The following CNTN4 variants were observed in gnomAD, a reference collection of about 807,000 sequenced individuals.
CNTN4 encodes contactin-4.
Under a neutral mutation model 122.5 loss-of-function variants are expected in CNTN4, and 77 were observed. That is an observed-to-expected ratio of 0.63 (90% CI 0.52 to 0.76). The LOEUF is 0.76. Ranked by LOEUF, CNTN4 falls within the 30% of genes least tolerant of loss-of-function variation. CNTN4 has a pLI of 0.00. For missense variants in CNTN4, 1,256 were observed against 1,259.1 expected (o/e 1.00, Z 0.04); for synonymous variants, 512 against 447.0 (o/e 1.15, Z -1.83).
chr3:3,030,459 C>T (rs950391598), intron 15 of CNTN4, among the ~76,000 whole-genome samples: 1 of 152,158 alleles, frequency 6.6e-6, no homozygotes. Context: ...GGCTTGCTTC[C>T]GTTTTCCAAA....
chr3:2,717,513 A>G (rs2087570252), intron 4 of CNTN4, among the ~76,000 whole-genome samples: 1 of 152,190 alleles, frequency 6.6e-6, no homozygotes, highest in South Asian at 2.1e-4. Context: ...TCTTCACTCC[A>G]TGTGTTTCTT....
intron 3 of CNTN4, among the ~76,000 whole-genome samples, chr3:2,341,332 T>C (rs1313703022): frequency 1.3e-5 from 2 of 152,208 alleles, no homozygotes; most frequent in African/African-American, 4.8e-5. Context: ...TTGTAATTGC[T>C]AGCTTAATTA....
chr3:2,161,275 A>G (rs948353701), intron 2 of CNTN4, among the ~76,000 whole-genome samples: 1 of 152,112 alleles, frequency 6.6e-6, no homozygotes, highest in African/African-American at 2.4e-5. Context: ...AGGCCATGTT[A>G]AGTTTTCTGG....
At chr3:2,405,706 G>T (rs576873179) in intron 3 of CNTN4, among the ~76,000 whole-genome samples, 70 of 152,172 alleles carry the variant, frequency 4.6e-4, no homozygotes, top group African/African-American at 8.4e-4. Flanking sequence ...AGGAATAAAA[G>T]AAATTGAACA....
chr3:2,652,866 GA>G (rs1398484184), intron 4 of CNTN4, among the ~76,000 whole-genome samples: 1 of 151,994 alleles, frequency 6.6e-6, no homozygotes. Context: ...TTTTCTTTTG[GA>G]ATTTTCTTTA....
intron 3 of CNTN4, among the ~76,000 whole-genome samples, chr3:2,442,253 C>T (rs1034006846): frequency 4.6e-5 from 7 of 151,920 alleles, no homozygotes; most frequent in African/African-American, 1.7e-4. Context: ...TTTGTTAAAT[C>T]GAGGAAGGAA....
chr3:2,893,327 G>A (rs1468813613), intron 10 of CNTN4, among the ~76,000 whole-genome samples: 3 of 152,168 alleles, frequency 2.0e-5, no homozygotes, highest in Non-Finnish European at 4.4e-5. Flanking sequence ...CCCCATGGAT[G>A]TGCTATGTAT....
At chr3:2,717,991 T>C (rs890474613) in intron 4 of CNTN4, among the ~76,000 whole-genome samples, 1 of 152,186 alleles carries the variant, frequency 6.6e-6, no homozygotes, top group Non-Finnish European at 1.5e-5. Flanking sequence ...TCAAGTCCTT[T>C]ACCTATTTTT....
At chr3:2,807,414 C>T (rs2092494579) in intron 6 of CNTN4, among the ~76,000 whole-genome samples, 1 of 151,482 alleles carries the variant, frequency 6.6e-6, no homozygotes, top group Non-Finnish European at 1.5e-5. Context: ...GTTGCCGAAG[C>T]AACTTAAATT....
Position 2,709,173 on chromosome 3 carries a change from G to T in CNTN4, c.56-27042G>T, listed in dbSNP as rs1242563954. Among the ~76,000 whole-genome samples, 1 of 152,044 alleles carries T rather than the reference G, an allele frequency of 6.6e-6. No individual in the cohort carries two copies. The highest frequency in any genetic ancestry group is 1.5e-5 in the Non-Finnish European group (1 of 67,998). ...TGAAAATCCAGCAAAAATGCATATT[G>T]CATTTACAACAGACAAAACCAAATT... is the stretch of plus-strand genomic sequence containing the variant. On this transcript the variant is annotated intron_variant, in intron 4 of 24. Coordinates refer to ENST00000418658, the MANE Select transcript of CNTN4 (RefSeq NM_175607.3). The surrounding 1 kb of genome is among the most constrained non-coding windows in gnomAD (Gnocchi z 5.0).
At chr3:2,795,541 G>A (rs2150009230) in intron 6 of CNTN4, among the ~76,000 whole-genome samples, 1 of 145,060 alleles carries the variant, frequency 6.9e-6, no homozygotes, top group South Asian at 2.2e-4. Flanking sequence ...TTTTTTCTGA[G>A]ATGGAGTCTC....
intron 3 of CNTN4, among the ~76,000 whole-genome samples, chr3:2,562,339 G>C (rs996280706): frequency 1.3e-5 from 2 of 152,074 alleles, no homozygotes; most frequent in Admixed American, 6.6e-5. Context: ...CAAGCAGTGA[G>C]CATAGTACCC....
intron 4 of CNTN4, among the ~76,000 whole-genome samples, chr3:2,587,224 G>A (rs900375650): frequency 2.6e-5 from 4 of 152,118 alleles, no homozygotes; most frequent in South Asian, 4.1e-4. Context: ...ACTCTCAGGG[G>A]AATTATGATA....
chr3:2,538,147 G>C (rs1339366917), intron 3 of CNTN4, among the ~76,000 whole-genome samples: 1 of 152,060 alleles, frequency 6.6e-6, no homozygotes, highest in Non-Finnish European at 1.5e-5. Context: ...TAGACACACA[G>C]GGAAAACACC....
chr3:2,149,043 T>C (rs373574951), intron 2 of CNTN4, among the ~76,000 whole-genome samples: 18 of 152,234 alleles, frequency 1.2e-4, no homozygotes, highest in African/African-American at 4.1e-4. Context: ...TTATAAACTT[T>C]CTTTAATTGT....
intron 2 of CNTN4, among the ~76,000 whole-genome samples, chr3:2,174,635 G>A (rs2036670192): frequency 6.6e-6 from 1 of 152,158 alleles, no homozygotes; most frequent in Admixed American, 6.5e-5. Context: ...GGCCAGTCTT[G>A]TGTTGCCAGA....
intron 4 of CNTN4, among the ~76,000 whole-genome samples, chr3:2,631,874 A>C (rs1266938083): frequency 1.4e-5 from 2 of 138,734 alleles, no homozygotes; most frequent in Admixed American, 6.9e-5. Flanking sequence ...ACAAAAAAAA[A>C]AAAACAAAAA....
Position 2,244,022 on chromosome 3 carries a change from C to T in CNTN4, c.-144-95156C>T, listed in dbSNP as rs376397926. Reference sequence around the variant, plus strand: ...TTAAGTAACATGTTGATGAGTTGTACGGTAGTTTTCCTTTATCCATAGCCC... The same window carrying T: ...TTAAGTAACATGTTGATGAGTTGTATGGTAGTTTTCCTTTATCCATAGCCC... On this transcript the variant is annotated intron_variant, in intron 2 of 24. Coordinates refer to ENST00000418658, the MANE Select transcript of CNTN4 (RefSeq NM_175607.3). 7.9e-5 allele frequency among the ~76,000 whole-genome samples: 12 copies of T among 152,114 alleles called. No individual in the cohort carries two copies. The South Asian group carries it at 2.5e-3, about 32-fold the overall frequency.
intron 2 of CNTN4, among the ~76,000 whole-genome samples, chr3:2,276,209 G>T (rs1454607572): frequency 6.6e-6 from 1 of 151,516 alleles, no homozygotes. Context: ...GTCTCACTCT[G>T]CTGCCCAGGC....
Sources: gnomAD v4.1 joint callset for allele counts (sites outside exome capture counted in the v4.1 genomes callset) on GRCh38, gnomAD v4.1.1 for gene constraint, Gnocchi (gnomAD v3.1) non-coding constraint, MANE v1.5 for transcripts, NCBI Gene and HGNC (gene_info 2026-07-23, HGNC 2026-07-21) for gene names.